The following BCKDHB variants were observed in gnomAD, a reference collection of about 807,000 sequenced individuals.
BCKDHB encodes the protein branched chain keto acid dehydrogenase E1 subunit beta.
BCKDHB carries 41 observed loss-of-function variants against 48.5 expected under a neutral mutation model. The ratio of observed to expected loss-of-function variants is 0.85; its 90% CI spans 0.66 to 1.10. BCKDHB has a LOEUF of 1.10. BCKDHB is among the 50% of genes least tolerant of loss of function. BCKDHB has a pLI of 0.00. For synonymous variants in BCKDHB, 201 were observed against 174.8 expected (o/e 1.15, Z -1.18); for missense variants, 496 against 494.2 (o/e 1.00, Z -0.03).
intron 9 of BCKDHB, among the ~76,000 whole-genome samples, chr6:80,298,477 C>G (rs563682808): frequency 6.6e-6 from 1 of 152,112 alleles, no homozygotes; most frequent in Non-Finnish European, 1.5e-5. Context: ...TTGGGCTTTA[C>G]CAAATGTAAC....
intron 3 of BCKDHB, among the ~76,000 whole-genome samples, chr6:80,154,322 TA>T (rs1771933241): frequency 6.6e-6 from 1 of 152,212 alleles, no homozygotes; most frequent in South Asian, 2.1e-4. Flanking sequence ...TATCAAGTGA[TA>T]TTTTTTACTG....
chr6:80,460,440 G>A, the BCKDHB span, among the ~76,000 whole-genome samples: 2 of 152,120 alleles, frequency 1.3e-5, no homozygotes, highest in African/African-American at 4.8e-5. Context: ...CAGCAGGAAA[G>A]CTGTCTGGAA....
rs890448589 is a variant in BCKDHB, at chr6:80,161,439, GA to G, written c.344-6229del. On this transcript the variant is annotated intron_variant, in intron 3 of 9. Coordinates refer to ENST00000320393, the MANE Select transcript of BCKDHB (RefSeq NM_183050.4). ...CAATCCAGTTGCTGAGAATGGGGCA[GA>G]AAAAAAAAATGTGATTTCTAAATCC... Among the ~76,000 whole-genome samples the G allele has an allele frequency of 4.6e-3, 679 of 148,874 alleles. 3 individuals are homozygous for G. Among genetic ancestry groups the G allele is most frequent in the African/African-American group, 0.014 (585 of 40,760 alleles).
At chr6:80,259,605 T>A (rs1777204704) in intron 8 of BCKDHB, among the ~76,000 whole-genome samples, 2 of 152,190 alleles carry the variant, frequency 1.3e-5, no homozygotes, top group African/African-American at 4.8e-5. Flanking sequence ...TGAGACAGAT[T>A]TATAAATGAT....
chr6:80,307,573 A>G, intron 9 of BCKDHB: 1 of 985,042 alleles, frequency 1.0e-6, no homozygotes, highest in Non-Finnish European at 1.2e-6. Flanking sequence ...ACTAAAAAAA[A>G]TCTTCTAGTG....
chr6:80,430,400 CT>C, the BCKDHB span, among the ~76,000 whole-genome samples: 1 of 152,222 alleles, frequency 6.6e-6, no homozygotes, highest in South Asian at 2.1e-4. Context: ...GGAGGATTTG[CT>C]TTTTTTATGT....
chr6:80,111,502 G>A (rs536155173), intron 1 of BCKDHB, among the ~76,000 whole-genome samples: 3 of 152,244 alleles, frequency 2.0e-5, no homozygotes, highest in South Asian at 2.1e-4. Flanking sequence ...TCCAATTCTC[G>A]TTTTTCTTGC....
chr6:80,417,659 C>T, the BCKDHB span, among the ~76,000 whole-genome samples: 1 of 152,176 alleles, frequency 6.6e-6, no homozygotes, highest in East Asian at 1.9e-4. Flanking sequence ...TGAATATTGT[C>T]TCCCAACCTC....
chr6:80,315,290 C>T (rs1182692530), intron 9 of BCKDHB, among the ~76,000 whole-genome samples: 2 of 152,130 alleles, frequency 1.3e-5, no homozygotes, highest in Non-Finnish European at 2.9e-5. Flanking sequence ...GGCATGGGCT[C>T]ATGAGGGGAT....
At chr6:80,321,505 T>C (rs1768717980) in intron 9 of BCKDHB, among the ~76,000 whole-genome samples, 1 of 152,192 alleles carries the variant, frequency 6.6e-6, no homozygotes, top group South Asian at 2.1e-4. Flanking sequence ...TGGTGTTGGA[T>C]TCCTTATGTG....
intron 9 of BCKDHB, among the ~76,000 whole-genome samples, chr6:80,301,616 A>G (rs1410629962): frequency 6.6e-6 from 1 of 152,202 alleles, no homozygotes; most frequent in Non-Finnish European, 1.5e-5. Context: ...ACTCTGCTTA[A>G]AAATCAAGGA....
chr6:80,353,653 G>A, the BCKDHB span, among the ~76,000 whole-genome samples: 1 of 152,210 alleles, frequency 6.6e-6, no homozygotes, highest in East Asian at 1.9e-4. Context: ...AAGAGATCAA[G>A]ACCATCCTGG....
At chr6:80,178,062 A>C (rs531996339) in intron 6 of BCKDHB, among the ~76,000 whole-genome samples, 1 of 152,236 alleles carries the variant, frequency 6.6e-6, no homozygotes, top group South Asian at 2.1e-4. Flanking sequence ...TATCTTACCC[A>C]ATGTGGTTCT....
chr6:80,355,499 C>CT, the BCKDHB span: 1 of 150,420 alleles, frequency 6.6e-6, no homozygotes, highest in African/African-American at 2.4e-5. Flanking sequence ...GTGATTTTAT[C>CT]TTTTAAGTGA....
At chr6:80,413,594 T>G in the BCKDHB span, among the ~76,000 whole-genome samples, 2 of 152,322 alleles carry the variant, frequency 1.3e-5, no homozygotes, top group African/African-American at 2.4e-5. Context: ...GATAATGGCA[T>G]CCAACTACAT....
At chr6:80,431,124 G>A in the BCKDHB span, among the ~76,000 whole-genome samples, 19 of 152,284 alleles carry the variant, frequency 1.2e-4, no homozygotes, top group Admixed American at 6.5e-4. Context: ...ATATAGTTGT[G>A]TGGTTTTGAG....
chr6:80,255,066 G>A (rs73748762), intron 8 of BCKDHB, among the ~76,000 whole-genome samples: 2,982 of 152,280 alleles, frequency 0.02, 90 homozygotes, highest in African/African-American at 0.068. Context: ...TTTAAAATGA[G>A]TCTGATTACA....
At chr6:80,221,182 C>G (rs1775434353) in intron 8 of BCKDHB, among the ~76,000 whole-genome samples, 2 of 152,316 alleles carry the variant, frequency 1.3e-5, no homozygotes, top group Admixed American at 6.5e-5. Context: ...CTCATCTTCT[C>G]TCTGGGAGAT....
intron 6 of BCKDHB, among the ~76,000 whole-genome samples, chr6:80,195,298 C>T (rs984992044): frequency 2.0e-5 from 3 of 151,952 alleles, no homozygotes; most frequent in Admixed American, 6.6e-5. Context: ...TTGGGTACAA[C>T]TGTGTTTAGG....
Sources: allele counts gnomAD v4.1 joint callset (sites outside exome capture counted in the v4.1 genomes callset), GRCh38; gene constraint gnomAD v4.1.1; transcripts MANE v1.5; gene names NCBI Gene and HGNC (gene_info 2026-07-23, HGNC 2026-07-21).